ASCC3: variants seen among roughly 807,000 people sequenced by gnomAD.
ASCC3 encodes activating signal cointegrator 1 complex subunit 3.
ASCC3 carries 158 observed loss-of-function variants against 256.3 expected under a neutral mutation model. That is an observed-to-expected ratio of 0.62 (90% CI 0.54 to 0.70). The LOEUF is 0.70. ASCC3 is among the 30% of genes least tolerant of loss of function. The pLI, the probability that ASCC3 is intolerant of heterozygous loss-of-function variation, is 0.00. For missense variants in ASCC3, 2,259 were observed against 2,626.0 expected (o/e 0.86, Z 3.05); for synonymous variants, 948 against 883.4 (o/e 1.07, Z -1.30).
At chr6:100,529,699 A>G (rs1774769124) in intron 37 of ASCC3, among the ~76,000 whole-genome samples, 1 of 152,214 alleles carries the variant, frequency 6.6e-6, no homozygotes, top group South Asian at 2.1e-4. Flanking sequence ...CAATTTTAAA[A>G]TCCATCAATA....
chr6:100,841,264 C>T (rs1295532388), intron 4 of ASCC3, among the ~76,000 whole-genome samples: 1 of 151,954 alleles, frequency 6.6e-6, no homozygotes, highest in East Asian at 1.9e-4. Context: ...GTATGCAGAC[C>T]CTGACAGAGC....
chr6:100,526,669 T>C (rs956709960), intron 37 of ASCC3, among the ~76,000 whole-genome samples: 16 of 152,200 alleles, frequency 1.1e-4, no homozygotes, highest in South Asian at 4.1e-4. Flanking sequence ...TTTTGGGAGA[T>C]AAAATATAGC....
At chr6:100,579,204 G>A (rs901253553) in intron 36 of ASCC3, among the ~76,000 whole-genome samples, 4 of 143,294 alleles carry the variant, frequency 2.8e-5, no homozygotes, top group Non-Finnish European at 3.0e-5. Context: ...TTTTTTGCTC[G>A]TTAATTTGCT....
intron 30 of ASCC3, among the ~76,000 whole-genome samples, chr6:100,621,688 C>G (rs1018763162): frequency 6.6e-6 from 1 of 152,132 alleles, no homozygotes; most frequent in African/African-American, 2.4e-5. Flanking sequence ...GGCAATTCCT[C>G]AAGGATCTAG....
intron 8 of ASCC3, among the ~76,000 whole-genome samples, chr6:100,794,401 G>A (rs1769502593): frequency 6.6e-6 from 1 of 152,038 alleles, no homozygotes; most frequent in Non-Finnish European, 1.5e-5. Context: ...AACATCCTTT[G>A]TGTGGCATAC....
intron 30 of ASCC3, among the ~76,000 whole-genome samples, chr6:100,609,767 T>C (rs1773299879): frequency 6.6e-6 from 1 of 151,856 alleles, no homozygotes; most frequent in Non-Finnish European, 1.5e-5. Context: ...AAAAATTAGC[T>C]GGGCATGGTG....
At chr6:100,842,315 G>C (rs1319805710) in intron 4 of ASCC3, among the ~76,000 whole-genome samples, 1 of 151,952 alleles carries the variant, frequency 6.6e-6, no homozygotes, top group African/African-American at 2.4e-5. Context: ...CACATTAAAT[G>C]AGAGGTTCTC....
intron 14 of ASCC3, among the ~76,000 whole-genome samples, chr6:100,668,307 T>C (rs1776582580): frequency 6.6e-6 from 1 of 152,012 alleles, no homozygotes; most frequent in South Asian, 2.1e-4. Context: ...GAAAGAAATA[T>C]ACTACAGTTT....
At chr6:100,563,348 C>A (rs1025520265) in intron 36 of ASCC3, among the ~76,000 whole-genome samples, 6 of 152,152 alleles carry the variant, frequency 3.9e-5, no homozygotes, top group Admixed American at 3.9e-4. Flanking sequence ...AATTCTTAAT[C>A]TAGCTGAAGT....
At chr6:100,648,801 C>T (rs1775514431) in intron 20 of ASCC3, among the ~76,000 whole-genome samples, 1 of 151,822 alleles carries the variant, frequency 6.6e-6, no homozygotes, top group Admixed American at 6.6e-5. Context: ...GTTATCCCCT[C>T]AATGCTAAAA....
At chr6:100,806,577 C>T (rs756701524) in intron 4 of ASCC3, among the ~76,000 whole-genome samples, 10 of 151,754 alleles carry the variant, frequency 6.6e-5, no homozygotes, top group Non-Finnish European at 1.2e-4. Context: ...TGGGAAGATA[C>T]ATGTATATAT....
At chr6:100,633,344 C>T (rs1774652907) in intron 25 of ASCC3, among the ~76,000 whole-genome samples, 1 of 152,058 alleles carries the variant, frequency 6.6e-6, no homozygotes, top group South Asian at 2.1e-4. Context: ...GTGGCAGTAT[C>T]ACGGTGCTTT....
chr6:100,588,196 G>A (rs1771804485), intron 36 of ASCC3, among the ~76,000 whole-genome samples: 1 of 152,020 alleles, frequency 6.6e-6, no homozygotes, highest in South Asian at 2.1e-4. Context: ...GTTGTTGTGA[G>A]GATTAAATTA....
intron 14 of ASCC3, among the ~76,000 whole-genome samples, chr6:100,672,471 C>A (rs1391126277): frequency 6.6e-6 from 1 of 151,826 alleles, no homozygotes; most frequent in Non-Finnish European, 1.5e-5. Context: ...CAGGCAAGAT[C>A]TGGATGATGG....
chr6:100,599,510 C>G (rs893746597), intron 34 of ASCC3, among the ~76,000 whole-genome samples: 2 of 152,058 alleles, frequency 1.3e-5, no homozygotes, highest in African/African-American at 4.8e-5. Context: ...CTGGTGAAAT[C>G]TGAATAGCTT....
intron 10 of ASCC3, among the ~76,000 whole-genome samples, chr6:100,740,561 G>T (rs551100024): frequency 6.6e-5 from 10 of 152,284 alleles, no homozygotes; most frequent in African/African-American, 2.4e-4. Context: ...TACTGTGTGT[G>T]AATCTAAGTC....
intron 10 of ASCC3, among the ~76,000 whole-genome samples, chr6:100,734,475 A>G (rs145132423): frequency 2.3e-4 from 35 of 152,306 alleles, no homozygotes; most frequent in African/African-American, 7.2e-4. Flanking sequence ...TGGTACTTAC[A>G]GCAGTGTGAC....
At chr6:100,830,361 G>A (rs1156705041) in intron 4 of ASCC3, among the ~76,000 whole-genome samples, 1 of 152,004 alleles carries the variant, frequency 6.6e-6, no homozygotes, top group African/African-American at 2.4e-5. Flanking sequence ...AAGAAGAAAT[G>A]AACATTTATC....
Position 100,514,609 on chromosome 6 carries a change from GAT to G in ASCC3, c.6075+1569_6075+1570del, listed in dbSNP as rs35016256. On this transcript the variant is annotated intron_variant, in intron 39 of 41. Coordinates refer to ENST00000369162, the MANE Select transcript of ASCC3 (RefSeq NM_006828.4). ...ACAATGTGTACACATATATTTATTG[GAT>G]ATATATATATATATTTATGTATATA... Among the ~76,000 whole-genome samples the G allele has an allele frequency of 3.0e-3, 452 of 148,444 alleles. 6 individuals carry two copies. The highest frequency in any genetic ancestry group is 0.028 in the South Asian group (131 of 4,696).
Sources: allele counts gnomAD v4.1 joint callset (sites outside exome capture counted in the v4.1 genomes callset), GRCh38; gene constraint gnomAD v4.1.1; transcripts MANE v1.5; gene names NCBI Gene and HGNC (gene_info 2026-07-23, HGNC 2026-07-21).